COLGALT2: variants seen among roughly 807,000 people sequenced by gnomAD.
COLGALT2 encodes procollagen galactosyltransferase 2.
Under a neutral mutation model 73.4 loss-of-function variants are expected in COLGALT2, and 49 were observed. The ratio of observed to expected loss-of-function variants is 0.67; its 90% CI spans 0.53 to 0.85. COLGALT2 has a LOEUF of 0.85. COLGALT2 is among the 40% of genes least tolerant of loss of function. COLGALT2 has a pLI of 0.00. For missense variants in COLGALT2, 722 were observed against 790.2 expected (o/e 0.91, Z 1.03); for synonymous variants, 295 against 307.6 (o/e 0.96, Z 0.43).
At chr1:184,028,746 T>C (rs59701007) in intron 1 of COLGALT2, among the ~76,000 whole-genome samples, 5,213 of 152,280 alleles carry the variant, frequency 0.034, 274 homozygotes, top group African/African-American at 0.12. Context: ...ATCACTATTC[T>C]AAGATCATTA....
At position 183,946,314 on chromosome 1, in the gene COLGALT2, C is replaced by G. The variant is rs1027059795; in HGVS notation, c.1137-750G>C. 9 of 152,084 alleles carry G rather than the reference C, an allele frequency of 5.9e-5. No individual in the cohort carries two copies. In the East Asian group the frequency reaches 1.5e-3, roughly 26 times the overall value. 9.4% of individuals were successfully genotyped at this position (152,084 alleles called of 1,614,324 possible). A position where few individuals can be genotyped will look rare whatever the true frequency, so the allele number is the denominator to read the frequency against. ...CACCAAAAAACTTAAAAGGAAAAAC[C>G]AAGGAATAAGAGGTCCATAGGGAGT... On this transcript the variant is annotated intron_variant, in intron 8 of 11. Coordinates refer to ENST00000361927, the MANE Select transcript of COLGALT2 (RefSeq NM_015101.4).
At chr1:183,942,547 T>C in intron 10 of COLGALT2, among the ~76,000 whole-genome samples, 1 of 152,240 alleles carries the variant, frequency 6.6e-6, no homozygotes, top group East Asian at 1.9e-4. Context: ...ACTCCCTCAA[T>C]GATTCCAATG....
chr1:183,998,454 A>G (rs1671827462), intron 1 of COLGALT2, among the ~76,000 whole-genome samples: 1 of 152,132 alleles, frequency 6.6e-6, no homozygotes. Flanking sequence ...GGTTGCAAAA[A>G]TGATTTCCCA....
chr1:183,946,649 G>C (rs1347878080), intron 8 of COLGALT2: 1 of 152,212 alleles, frequency 6.6e-6, no homozygotes, highest in Non-Finnish European at 1.5e-5. Flanking sequence ...AATGACAAGA[G>C]AGCTGGCAGA....
chr1:183,939,106 T>A, intron 11 of COLGALT2, 69 bp from the exon 12 acceptor site: 1 of 1,159,124 alleles, frequency 8.6e-7, no homozygotes, highest in Non-Finnish European at 1.3e-6. Context: ...GGACAAAGAG[T>A]GAAGGAGGCC....
Position 183,940,750 on chromosome 1 carries a change from C to T in COLGALT2, c.1435G>A (p.Glu479Lys). ...GRKRMQVKEP[E>K]KAVPNVANLV... ...TTTGCCACATTGGGCACTGCTTTCTCTGGCTCCTTTACTTGCATCCTCTTC... is the reference window on the plus strand; with the variant it reads ...TTTGCCACATTGGGCACTGCTTTCTTTGGCTCCTTTACTTGCATCCTCTTC... The change falls in exon 11 of 12, where the codon GAG becomes AAG. Residue 479 changes from glutamate (E) to lysine (K), a missense_variant. Physicochemically the swap from Glu to Lys is moderately conservative, Grantham distance 56 (BLOSUM62 1). Transcript: ENST00000361927. 6.2e-7 allele frequency: 1 copy of T among 1,614,250 alleles called. No homozygotes were observed. Among genetic ancestry groups the T allele is most frequent in the Non-Finnish European group, 8.5e-7 (1 of 1,180,036 alleles).
At chr1:184,013,649 C>A (rs940610528) in intron 1 of COLGALT2, among the ~76,000 whole-genome samples, 7 of 151,958 alleles carry the variant, frequency 4.6e-5, no homozygotes, top group Non-Finnish European at 1.0e-4. Context: ...ACGGATTTTA[C>A]CCTCAAAGGT....
chr1:184,008,056 C>T (rs1672130599), intron 1 of COLGALT2, among the ~76,000 whole-genome samples: 1 of 152,148 alleles, frequency 6.6e-6, no homozygotes, highest in Non-Finnish European at 1.5e-5. Flanking sequence ...CTACTATACA[C>T]TAGAGAAGTT....
In COLGALT2 at chr1:183,969,416, A is replaced by C. The variant is rs1389772155; in HGVS notation, c.685T>G (p.Cys229Gly). ...GAGTGGACCATGGGGACGGGGAAGC[A>C]GCCTGTCCTCTTCCATTCTCGAATC... is the stretch of plus-strand genomic sequence containing the variant. ...VQIREWKRTG[C>G]FPVPMVHSTF... The change falls in exon 5 of 12, where the codon TGC becomes GGC. Residue 229 changes from cysteine (C) to glycine (G), a missense_variant. Cys to Gly is a radical substitution (Grantham distance 159). Coordinates refer to ENST00000361927, the MANE Select transcript of COLGALT2 (RefSeq NM_015101.4). 1.2e-5 allele frequency: 19 copies of C among 1,613,836 alleles called. No homozygotes were observed. The highest frequency in any genetic ancestry group is 1.6e-5 in the Non-Finnish European group (19 of 1,179,852).
Position 183,937,206 on chromosome 1 carries a change from G to A in COLGALT2, c.*1555C>T, listed in dbSNP as rs1051764149. ...TTAAGTGTGAAGCTCAGGGTTTGGG[G>A]TGTGCACGGCCCCCCATATGGCTGC... On this transcript the variant is annotated 3_prime_UTR_variant, in exon 12 of 12. Coordinates refer to ENST00000361927, the MANE Select transcript of COLGALT2 (RefSeq NM_015101.4). The A allele has an allele frequency of 8.2e-7, 1 of 1,218,470 alleles. No individual in the cohort carries two copies. The highest frequency in any genetic ancestry group is 1.0e-6 in the Non-Finnish European group (1 of 980,184). The allele number at this position is 1,218,470 out of a possible 1,614,324, so 75.5% of individuals were successfully genotyped here.
chr1:183,935,868 A>T lies in COLGALT2; in HGVS notation c.*2893T>A. On this transcript the variant is annotated 3_prime_UTR_variant, in exon 12 of 12. Coordinates refer to ENST00000361927, the MANE Select transcript of COLGALT2 (RefSeq NM_015101.4). ...AGTTTTTTTTTAATTTTTCACAAAGAGCTCCAGAAGGCAAATAGTTTATCA... is the reference window on the plus strand; with the variant it reads ...AGTTTTTTTTTAATTTTTCACAAAGTGCTCCAGAAGGCAAATAGTTTATCA... The T allele has an allele frequency of 1.0e-6, 1 of 985,418 alleles. No individual in the cohort carries two copies. 61.0% of individuals were successfully genotyped at this position (985,418 alleles called of 1,614,324 possible).
At chr1:183,941,542 A>T (rs1187301610) in intron 10 of COLGALT2, among the ~76,000 whole-genome samples, 1 of 152,170 alleles carries the variant, frequency 6.6e-6, no homozygotes, top group Admixed American at 6.5e-5. Flanking sequence ...GAACCTATTG[A>T]TTTGGGCTTG....
At chr1:183,986,081 C>T (rs999343342) in intron 1 of COLGALT2, among the ~76,000 whole-genome samples, 11 of 152,196 alleles carry the variant, frequency 7.2e-5, no homozygotes, top group African/African-American at 2.2e-4. Flanking sequence ...CAGCAGCAGA[C>T]GTGCCAAAGG....
chr1:183,969,177 G>GT, intron 5 of COLGALT2, 92 bp downstream of exon 5: 3 of 1,052,586 alleles, frequency 2.9e-6, no homozygotes, highest in Non-Finnish European at 3.9e-6. Context: ...AGACATATGA[G>GT]GGTTTTTTTT....
At position 183,942,150 on chromosome 1, in the gene COLGALT2, G is replaced by A. The variant is rs867080903; in HGVS notation, c.1398-1363C>T. Among the ~76,000 whole-genome samples the A allele has an allele frequency of 6.3e-4, 96 of 152,054 alleles. 1 individual carries two copies. The highest frequency in any genetic ancestry group is 1.8e-3 in the African/African-American group (76 of 41,500). On this transcript the variant is annotated intron_variant, in intron 10 of 11. Coordinates refer to ENST00000361927, the MANE Select transcript of COLGALT2 (RefSeq NM_015101.4). Reference sequence around the variant, plus strand: ...TTTTTACTAGAGACGTGGTTTCACCGTGTTAGCCAGGATGGTCTCGATCTC... The same window carrying A: ...TTTTTACTAGAGACGTGGTTTCACCATGTTAGCCAGGATGGTCTCGATCTC...
intron 6 of COLGALT2, among the ~76,000 whole-genome samples, chr1:183,961,153 G>A (rs186055359): frequency 1.2e-3 from 189 of 152,210 alleles, no homozygotes; most frequent in African/African-American, 4.4e-3. Flanking sequence ...CAGGACAGAA[G>A]GTAAGTATAA....
intron 6 of COLGALT2, among the ~76,000 whole-genome samples, chr1:183,956,320 C>G (rs1360666756): frequency 6.6e-6 from 1 of 152,164 alleles, no homozygotes; most frequent in African/African-American, 2.4e-5. Flanking sequence ...AAGAGCTGGT[C>G]TCATTACTTC....
At chr1:183,940,261 T>C (rs2102787036) in intron 11 of COLGALT2, among the ~76,000 whole-genome samples, 1 of 152,312 alleles carries the variant, frequency 6.6e-6, no homozygotes, top group South Asian at 2.1e-4. Context: ...CTTAGGAAGA[T>C]GGCCTTCACC....
chr1:183,967,973 C>G (rs1016578144), intron 5 of COLGALT2, among the ~76,000 whole-genome samples: 1 of 152,224 alleles, frequency 6.6e-6, no homozygotes, highest in African/African-American at 2.4e-5. Flanking sequence ...TGACCCATTT[C>G]TACCAAATAT....
Sources: gnomAD v4.1 joint callset for allele counts (sites outside exome capture counted in the v4.1 genomes callset) on GRCh38, gnomAD v4.1.1 for gene constraint, MANE v1.5 for transcripts, NCBI Gene and HGNC (gene_info 2026-07-23, HGNC 2026-07-21) for gene names.